The following GRM5 variants were observed in gnomAD, a reference collection of about 807,000 sequenced individuals.
GRM5 encodes glutamate metabotropic receptor 5.
A neutral mutation model predicts 83.1 loss-of-function variants in GRM5; 19 were observed. The observed-to-expected ratio is 0.23, with a 90% confidence interval of 0.16 to 0.34. The LOEUF (loss-of-function observed/expected upper bound fraction) is 0.34, where lower values mean the gene tolerates loss of function less well. Ranked by LOEUF, GRM5 falls within the 10% of genes least tolerant of loss-of-function variation. GRM5 has a pLI of 1.00. For synonymous variants in GRM5, 675 were observed against 633.6 expected, an observed-to-expected ratio of 1.07 and a Z score of -0.98; for missense variants, 1,160 against 1,588.3, an observed-to-expected ratio of 0.73 and a Z score of 4.58.
intron 3 of GRM5, among the ~76,000 whole-genome samples, chr11:88,820,850 C>T (rs4480549): frequency 0.27 from 40,483 of 151,984 alleles, 5,800 homozygotes; most frequent in South Asian, 0.54. Context: ...ATACAGTGAG[C>T]ACTAAAAAAT....
chr11:88,735,186 A>G (rs933451758), intron 3 of GRM5, among the ~76,000 whole-genome samples: 2 of 151,998 alleles, frequency 1.3e-5, no homozygotes, highest in Non-Finnish European at 2.9e-5. Flanking sequence ...GATATTCACC[A>G]CATTCTCACT....
chr11:88,586,080 TATC>T (rs1487119761), intron 7 of GRM5, among the ~76,000 whole-genome samples: 1 of 151,518 alleles, frequency 6.6e-6, no homozygotes, highest in Non-Finnish European at 1.5e-5. Context: ...ATTCTCATAA[TATC>T]ATTCAATCCT....
At chr11:89,030,072 A>G (rs1228554734) in intron 2 of GRM5, among the ~76,000 whole-genome samples, 1 of 152,186 alleles carries the variant, frequency 6.6e-6, no homozygotes, top group African/African-American at 2.4e-5. Flanking sequence ...GCATGACATT[A>G]GTATAAAATC....
chr11:88,710,568 C>T (rs907460191), intron 3 of GRM5, among the ~76,000 whole-genome samples: 5 of 152,112 alleles, frequency 3.3e-5, no homozygotes, highest in African/African-American at 7.2e-5. Context: ...TAATATGCTA[C>T]TATAAACTGC....
At chr11:88,848,380 T>A (rs1944333275) in intron 3 of GRM5, among the ~76,000 whole-genome samples, 2 of 152,134 alleles carry the variant, frequency 1.3e-5, no homozygotes. Flanking sequence ...ATAAAATGTA[T>A]CCCAGCTGGA....
chr11:88,759,872 T>C (rs1193969034), intron 3 of GRM5, among the ~76,000 whole-genome samples: 1 of 151,976 alleles, frequency 6.6e-6, no homozygotes, highest in Non-Finnish European at 1.5e-5. Context: ...TTATAACAAC[T>C]ACTCTCTCAG....
At position 88,597,300 on chromosome 11, in the gene GRM5, T is replaced by G; in HGVS notation, c.1447A>C (p.Asn483His). The G allele has an allele frequency of 1.9e-6, 3 of 1,573,454 alleles. No homozygotes were observed. Among genetic ancestry groups the G allele is most frequent in the Non-Finnish European group, 2.6e-6 (3 of 1,144,404 alleles). The change falls in exon 6 of 10, where the codon AAC (asparagine) becomes CAC (histidine). Residue 483 changes from asparagine (N) to histidine (H), a missense_variant. Asn to His is a moderately conservative substitution (Grantham distance 68). Transcript: ENST00000305447. ...TCTCCATTGTCCCAACTTCCAACGTTGATATAATCAAAGTAATCTTTTCCC... is the reference window on the plus strand; with the variant it reads ...TCTCCATTGTCCCAACTTCCAACGTGGATATAATCAAAGTAATCTTTTCCC... ...EMGKDYFDYI[N>H]VGSWDNGELK...
intron 4 of GRM5, among the ~76,000 whole-genome samples, chr11:88,648,939 G>GT (rs1565170840): frequency 6.6e-6 from 1 of 150,688 alleles, no homozygotes; most frequent in African/African-American, 2.4e-5. Context: ...TTTTTAAACT[G>GT]ATGCAATTCT....
In GRM5 at chr11:89,009,900, C is replaced by CA. The variant is rs758398638; in HGVS notation, c.661+37311dup. ...TGGGCGACAGAGCGAGACTCCGTCT[C>CA]AAAAAAAAAAAAAAAAAAAAAAAAA... On this transcript the variant is annotated intron_variant, in intron 2 of 9. Coordinates refer to ENST00000305447, the MANE Select transcript of GRM5 (RefSeq NM_001143831.3). Among the ~76,000 whole-genome samples, 103 of 21,678 alleles carry CA rather than the reference C, an allele frequency of 4.8e-3. 20 individuals carry two copies. The highest frequency in any genetic ancestry group is 0.039 in the East Asian group (27 of 700). The allele number at this position is 21,678 out of a possible 152,430, so 14.2% of individuals were successfully genotyped here. A position where few individuals can be genotyped will look rare whatever the true frequency, so the allele number is the denominator to read the frequency against.
chr11:88,816,746 C>CAAAAAA lies in GRM5; in HGVS notation c.911+33154_911+33159dup, dbSNP rs34178436. ...TGATAAATCTCTATCCAGATTGGTC[C>CAAAAAA]AAAAAAAAAAAAAAAGGAAAGAAAA... On this transcript the variant is annotated intron_variant, in intron 3 of 9. Transcript: ENST00000305447. Among the ~76,000 whole-genome samples, 22 of 122,386 alleles carry CAAAAAA rather than the reference C, an allele frequency of 1.8e-4. 1 individual carries two copies. The highest frequency in any genetic ancestry group is 6.0e-4 in the African/African-American group (19 of 31,640). The allele number at this position is 122,386 out of a possible 152,430, so 80.3% of individuals were successfully genotyped here.
At chr11:89,054,932 T>C (rs1417182532) in intron 1 of GRM5, among the ~76,000 whole-genome samples, 2 of 152,218 alleles carry the variant, frequency 1.3e-5, no homozygotes, top group Non-Finnish European at 2.9e-5. Context: ...TCTAAATTTA[T>C]AAATATAGTA....
At chr11:88,957,894 C>CT (rs1477301859) in intron 2 of GRM5, among the ~76,000 whole-genome samples, 2 of 152,084 alleles carry the variant, frequency 1.3e-5, no homozygotes, top group Non-Finnish European at 2.9e-5. Context: ...TTAGAAATCT[C>CT]TAACTGTGCA....
At position 88,567,962 on chromosome 11, in the gene GRM5, C is replaced by A; in HGVS notation, c.1721G>T (p.Arg574Leu). 6.2e-7 allele frequency: 1 copy of A among 1,613,564 alleles called. No homozygotes were observed. Among genetic ancestry groups the A allele is most frequent in the Non-Finnish European group, 8.5e-7 (1 of 1,179,672 alleles). The change falls in exon 8 of 10, where the codon CGA becomes CTA. Residue 574 changes from arginine (R) to leucine (L), a missense_variant. This residue lies in a region of GRM5 where 132 missense variants were observed against 245.5 expected (regional missense o/e 0.54). Coordinates refer to ENST00000305447, the MANE Select transcript of GRM5 (RefSeq NM_001143831.3). The surrounding 1 kb of genome is among the most constrained non-coding windows in gnomAD (Gnocchi z 7.3). ...GCDLIPVQYLRWGDPEPIAAV... is the reference protein window; with the variant it reads ...GCDLIPVQYLLWGDPEPIAAV... ...TGCAATGGGTTCAGGGTCACCCCAT[C>A]GAAGATACTGTACTGGGATCAAGTC...
intron 2 of GRM5, among the ~76,000 whole-genome samples, chr11:88,855,907 C>T (rs11021631): frequency 6.6e-6 from 1 of 151,442 alleles, no homozygotes; most frequent in African/African-American, 2.4e-5. Context: ...AAAAGTAGTA[C>T]AGAAAAATAG....
chr11:88,841,743 G>A (rs1944206736), intron 3 of GRM5, among the ~76,000 whole-genome samples: 1 of 152,096 alleles, frequency 6.6e-6, no homozygotes, highest in Non-Finnish European at 1.5e-5. Context: ...TCTTCTTCTT[G>A]GGAGCAGTTT....
At chr11:88,887,425 A>C (rs1452976468) in intron 2 of GRM5, among the ~76,000 whole-genome samples, 2 of 151,738 alleles carry the variant, frequency 1.3e-5, no homozygotes, top group Non-Finnish European at 2.9e-5. Flanking sequence ...TTTGAGATCT[A>C]TTTTTCAGGG....
chr11:88,993,139 G>A (rs1036509861), intron 2 of GRM5, among the ~76,000 whole-genome samples: 4 of 151,640 alleles, frequency 2.6e-5, no homozygotes, highest in East Asian at 1.9e-4. Flanking sequence ...CCTGGCGGGC[G>A]CCTGTAGTCC....
chr11:88,996,633 T>C (rs1202126811), intron 2 of GRM5, among the ~76,000 whole-genome samples: 3 of 152,194 alleles, frequency 2.0e-5, no homozygotes, highest in African/African-American at 7.2e-5. Flanking sequence ...ATAAAATCAG[T>C]AAGGATATAG....
chr11:88,550,520 G>C (rs1942481955), intron 8 of GRM5, among the ~76,000 whole-genome samples: 1 of 152,186 alleles, frequency 6.6e-6, no homozygotes, highest in Admixed American at 6.5e-5. Context: ...TTTCAGCTAA[G>C]AAACTTAAAT....
Sources: gnomAD v4.1 joint callset for allele counts (sites outside exome capture counted in the v4.1 genomes callset) on GRCh38, gnomAD v4.1.1 for gene constraint, gnomAD v4.1.1 regional missense constraint, Gnocchi (gnomAD v3.1) non-coding constraint, MANE v1.5 for transcripts, NCBI Gene and HGNC (gene_info 2026-07-23, HGNC 2026-07-21) for gene names.